MYBL2: variants seen among roughly 807,000 people sequenced by gnomAD.
The protein encoded by MYBL2 is MYB proto-oncogene like 2, also known as myb-related protein B.
In MYBL2, 28 loss-of-function variants were observed where a neutral mutation model predicts 79.9. The observed-to-expected ratio is 0.35, with a 90% CI of 0.26 to 0.48. The LOEUF (loss-of-function observed/expected upper bound fraction) is 0.48. Among genes scored for constraint, MYBL2 ranks in the 20% least tolerant of loss-of-function variants. MYBL2 has a pLI of 0.99. For missense variants in MYBL2, 735 were observed against 893.9 expected, an observed-to-expected ratio of 0.82 and a Z score of 2.27; for synonymous variants, 378 against 361.2, an observed-to-expected ratio of 1.05 and a Z score of -0.53.
chr20:43,687,028 G>A lies in MYBL2; in HGVS notation c.456G>A (p.Val152=), dbSNP rs1408789324. 2 of 1,613,764 alleles carry A rather than the reference G, an allele frequency of 1.2e-6. No homozygotes were observed. Reference sequence around the variant, plus strand: ...GCATCATCTGCGAGGCCCACAAGGTGCTGGGCAACCGCTGGGCCGAGATCG... The same window carrying A: ...GCATCATCTGCGAGGCCCACAAGGTACTGGGCAACCGCTGGGCCGAGATCG... ...EDRIICEAHK[V]LGNRWAEIAK... is the part of the protein sequence containing the mutation. The change falls in exon 5 of 14, where the codon GTG becomes GTA. Residue 152 remains valine (V), a synonymous_variant. Coordinates refer to ENST00000217026, the MANE Select transcript of MYBL2 (RefSeq NM_002466.4).
Position 43,705,344 on chromosome 20 carries a change from C to T in MYBL2, c.1491C>T (p.His497=). 6.2e-7 allele frequency: 1 copy of T among 1,612,384 alleles called. No individual in the cohort carries two copies. The highest frequency in any genetic ancestry group is 8.5e-7 in the Non-Finnish European group (1 of 1,179,272). Residue 497 remains histidine, a synonymous_variant, in exon 9 of 14, where the codon CAC becomes CAT. Transcript: ENST00000217026. Reference sequence around the variant, plus strand: ...TGCACCGGGACAAGACACCCCTGCACCAGAAACATGCTGCGTGAGTGCTGC... The same window carrying T: ...TGCACCGGGACAAGACACCCCTGCATCAGAAACATGCTGCGTGAGTGCTGC... ...TPLHRDKTPL[H]QKHAAFVTPD...
Position 43,700,025 on chromosome 20 carries a change from C to A in MYBL2, c.932C>A (p.Ala311Asp). 1 of 1,613,922 alleles carries A rather than the reference C, an allele frequency of 6.2e-7. No homozygotes were observed. The highest frequency in any genetic ancestry group is 8.5e-7 in the Non-Finnish European group (1 of 1,179,962). The change falls in exon 7 of 14, where the codon GCC becomes GAC. Residue 311 changes from alanine (A) to aspartate (D), a missense_variant. Transcript: ENST00000217026. Reference protein sequence around the residue: ...IPAVGSSLSEALDLIESDPDA... With the variant: ...IPAVGSSLSEDLDLIESDPDA... ...GCTGTGGGTTCTAGCCTCTCTGAAG[C>A]CCTGGACTTGATCGAGTCGGTATGT... is the stretch of plus-strand genomic sequence containing the variant.
At chr20:43,694,917 A>G (rs1987498627) in intron 6 of MYBL2, among the ~76,000 whole-genome samples, 2 of 152,208 alleles carry the variant, frequency 1.3e-5, no homozygotes, top group South Asian at 2.1e-4. Context: ...TAAAAACTCT[A>G]CTGTGCTGAA....
At position 43,715,687 on chromosome 20, in the gene MYBL2, T is replaced by C. The variant is rs549113856; in HGVS notation, c.1975-272T>C. On this transcript the variant is annotated intron_variant, in intron 13 of 13. Coordinates refer to ENST00000217026, the MANE Select transcript of MYBL2 (RefSeq NM_002466.4). ...GTCTCACTGCTCCTTCTCACCCGCC[T>C]CCTGGCTGTGGCTTCTCCTCGAGGC... Among the ~76,000 whole-genome samples, 358 of 152,296 alleles carry C rather than the reference T, an allele frequency of 2.4e-3. 2 individuals are homozygous for C. The highest frequency in any genetic ancestry group is 3.3e-3 in the Non-Finnish European group (222 of 68,028).
chr20:43,707,201 A>G (rs1449543137), intron 9 of MYBL2, among the ~76,000 whole-genome samples: 1 of 151,404 alleles, frequency 6.6e-6, no homozygotes, highest in Non-Finnish European at 1.5e-5. Context: ...TTTTTAAAAA[A>G]AAAAGAGAAA....
chr20:43,677,660 C>T (rs1333561898), intron 2 of MYBL2, among the ~76,000 whole-genome samples: 2 of 150,204 alleles, frequency 1.3e-5, no homozygotes, highest in South Asian at 2.1e-4. Flanking sequence ...CCTGGCCAGC[C>T]GCCCCGACTG....
chr20:43,681,882 C>T (rs1987152856), intron 3 of MYBL2, 27 bp downstream of exon 3: 2 of 1,611,368 alleles, frequency 1.2e-6, no homozygotes, highest in South Asian at 1.1e-5. Flanking sequence ...TGTGGCCCTC[C>T]CTCGGGGCAA....
intron 9 of MYBL2, among the ~76,000 whole-genome samples, chr20:43,709,740 G>C (rs752246777): frequency 5.9e-5 from 9 of 152,156 alleles, no homozygotes; most frequent in Non-Finnish European, 1.2e-4. Context: ...CAGCATTCTC[G>C]GCTATCTGCC....
intron 7 of MYBL2, among the ~76,000 whole-genome samples, chr20:43,701,345 C>T (rs767727091): frequency 3.3e-5 from 5 of 152,162 alleles, no homozygotes; most frequent in Non-Finnish European, 5.9e-5. Flanking sequence ...GGCCTGAGGT[C>T]GGTCCTGCCC....
At chr20:43,672,317 C>T (rs902106712) in intron 1 of MYBL2, among the ~76,000 whole-genome samples, 9 of 7,062 alleles carry the variant, frequency 1.3e-3, no homozygotes, top group Middle Eastern at 0.1. Flanking sequence ...AAGCCAGACA[C>T]GGTGGTGCAC....
intron 10 of MYBL2, among the ~76,000 whole-genome samples, chr20:43,710,878 G>T (rs186814592): frequency 1.3e-5 from 2 of 152,290 alleles, no homozygotes; most frequent in South Asian, 4.1e-4. Flanking sequence ...TAAAATATCT[G>T]CATGCTCTCC....
intron 2 of MYBL2, among the ~76,000 whole-genome samples, chr20:43,679,791 G>A (rs1267697225): frequency 6.6e-6 from 1 of 151,784 alleles, no homozygotes; most frequent in Non-Finnish European, 1.5e-5. Context: ...TGTGTCTGTG[G>A]TCCCACCTAC....
intron 5 of MYBL2, among the ~76,000 whole-genome samples, chr20:43,689,938 A>T (rs375693056): frequency 6.6e-4 from 101 of 152,254 alleles, no homozygotes; most frequent in African/African-American, 2.3e-3. Flanking sequence ...GGAACCTGTG[A>T]CTCAAGAGTT....
At chr20:43,684,851 AC>A (rs1387455702) in intron 4 of MYBL2, among the ~76,000 whole-genome samples, 7 of 135,188 alleles carry the variant, frequency 5.2e-5, no homozygotes, top group Admixed American at 1.5e-4. Context: ...AAAAAAAAAA[AC>A]ACAAAAGAAA....
At chr20:43,667,644 G>A (rs1003514924) in intron 1 of MYBL2, among the ~76,000 whole-genome samples, 1 of 152,196 alleles carries the variant, frequency 6.6e-6, no homozygotes, top group Non-Finnish European at 1.5e-5. Flanking sequence ...TCAGCTGGCA[G>A]GGCCTTCGCC....
intron 6 of MYBL2, among the ~76,000 whole-genome samples, chr20:43,697,609 A>G (rs1163247286): frequency 6.7e-6 from 1 of 148,826 alleles, no homozygotes; most frequent in African/African-American, 2.5e-5. Flanking sequence ...ACTCTGTCTC[A>G]AAAAACAACA....
At chr20:43,711,741 C>T (rs545404024) in intron 11 of MYBL2, 140 bp downstream of exon 11, 38 of 702,040 alleles carry the variant, frequency 5.4e-5, no homozygotes, top group African/African-American at 5.1e-4. Flanking sequence ...CCCTTTCGCA[C>T]GGTGGTTGTT....
chr20:43,683,900 C>T (rs546370765), intron 4 of MYBL2, among the ~76,000 whole-genome samples: 2 of 151,884 alleles, frequency 1.3e-5, no homozygotes, highest in African/African-American at 4.8e-5. Flanking sequence ...ACGAGTCTTA[C>T]TCTGTTGCAC....
intron 4 of MYBL2, among the ~76,000 whole-genome samples, chr20:43,686,185 ACT>A (rs746091918): frequency 6.6e-6 from 1 of 151,854 alleles, no homozygotes; most frequent in East Asian, 1.9e-4. Context: ...AGAAGCATCC[ACT>A]CTTCCCAGTT....
Sources: allele counts gnomAD v4.1 joint callset (sites outside exome capture counted in the v4.1 genomes callset), GRCh38; gene constraint gnomAD v4.1.1; transcripts MANE v1.5; gene names NCBI Gene and HGNC (gene_info 2026-07-23, HGNC 2026-07-21).